The following WWOX variants were observed in gnomAD, a reference collection of about 807,000 sequenced individuals.
WWOX encodes WW domain containing oxidoreductase.
Under a neutral mutation model 46.2 loss-of-function variants are expected in WWOX, and 69 were observed. The observed-to-expected ratio is 1.49, with a 90% CI of 1.23 to 1.82. The LOEUF (loss-of-function observed/expected upper bound fraction) is 1.82. WWOX is among the 40% of genes most tolerant of loss of function. WWOX has a pLI of 0.00. For synonymous variants in WWOX, 359 were observed against 202.6 expected, an observed-to-expected ratio of 1.77 and a Z score of -6.56; for missense variants, 919 against 542.6, an observed-to-expected ratio of 1.69 and a Z score of -6.89.
chr16:78,786,700 G>A (rs539205618), intron 8 of WWOX, among the ~76,000 whole-genome samples: 1 of 152,082 alleles, frequency 6.6e-6, no homozygotes, highest in Non-Finnish European at 1.5e-5. Context: ...GCCCATAGTT[G>A]GCAGTTTGTC....
chr16:78,992,389 T>A (rs4580173), intron 8 of WWOX, among the ~76,000 whole-genome samples: 2 of 152,036 alleles, frequency 1.3e-5, no homozygotes, highest in African/African-American at 4.8e-5. Flanking sequence ...ATTGCTTGAA[T>A]CCGGGAGGCA....
chr16:79,144,807 G>A (rs978615053), intron 8 of WWOX, among the ~76,000 whole-genome samples: 1 of 150,638 alleles, frequency 6.6e-6, no homozygotes, highest in Non-Finnish European at 1.5e-5. Flanking sequence ...ATGATATTTT[G>A]AGAGAGAGAG....
chr16:79,185,276 C>T (rs149579503), intron 8 of WWOX, among the ~76,000 whole-genome samples: 2 of 152,268 alleles, frequency 1.3e-5, no homozygotes, highest in Non-Finnish European at 2.9e-5. Flanking sequence ...TGCCTCTCTT[C>T]AATAAGAGCA....
intron 8 of WWOX, among the ~76,000 whole-genome samples, chr16:78,573,782 A>T (rs1420371702): frequency 6.6e-6 from 1 of 152,174 alleles, no homozygotes; most frequent in Non-Finnish European, 1.5e-5. Flanking sequence ...CTCGATCTCC[A>T]CTTGAACACA....
At chr16:79,175,903 CT>C (rs899528829) in intron 8 of WWOX, among the ~76,000 whole-genome samples, 4 of 152,182 alleles carry the variant, frequency 2.6e-5, no homozygotes, top group African/African-American at 7.2e-5. Flanking sequence ...CACCTCTGAG[CT>C]TTTGGTCATG....
chr16:78,584,257 AAGAAGTGCTTTAC>A (rs1307226377), intron 8 of WWOX, among the ~76,000 whole-genome samples: 2 of 152,196 alleles, frequency 1.3e-5, no homozygotes, highest in Non-Finnish European at 2.9e-5. Context: ...AAAACATTGT[AAGAAGTGCTTTAC>A]ATCAGTTATT....
intron 5 of WWOX, among the ~76,000 whole-genome samples, chr16:78,340,187 T>C (rs1264876319): frequency 9.1e-6 from 1 of 109,532 alleles, no homozygotes; most frequent in Non-Finnish European, 2.2e-5. Flanking sequence ...TTGGTAATTG[T>C]GTTTGATGAT....
intron 8 of WWOX, chr16:79,106,778 C>G (rs573629159): frequency 6.7e-6 from 1 of 148,970 alleles, no homozygotes; most frequent in Admixed American, 6.7e-5. Flanking sequence ...GCCACCATAC[C>G]CAGATAATTT....
At chr16:78,165,818 A>G (rs1267912231) in intron 5 of WWOX, among the ~76,000 whole-genome samples, 1 of 152,238 alleles carries the variant, frequency 6.6e-6, no homozygotes, top group African/African-American at 2.4e-5. Flanking sequence ...TTTGAAATTC[A>G]GTATATTTGA....
intron 8 of WWOX, among the ~76,000 whole-genome samples, chr16:78,829,743 C>A (rs1334902522): frequency 6.6e-6 from 1 of 152,066 alleles, no homozygotes; most frequent in East Asian, 1.9e-4. Flanking sequence ...AAACTGAGAC[C>A]CAGAGATTCA....
chr16:78,732,948 T>G (rs2049001252), intron 8 of WWOX, among the ~76,000 whole-genome samples: 1 of 152,242 alleles, frequency 6.6e-6, no homozygotes, highest in Non-Finnish European at 1.5e-5. Flanking sequence ...ACAGCATTAC[T>G]GAGCTCGAGT....
intron 8 of WWOX, among the ~76,000 whole-genome samples, chr16:79,052,161 G>A (rs1355160443): frequency 2.0e-5 from 3 of 151,836 alleles, no homozygotes; most frequent in Non-Finnish European, 2.9e-5. Flanking sequence ...CTAGCATTAG[G>A]TATATCTCCC....
At chr16:78,517,211 A>G (rs1212715175) in intron 8 of WWOX, among the ~76,000 whole-genome samples, 1 of 152,044 alleles carries the variant, frequency 6.6e-6, no homozygotes, top group Non-Finnish European at 1.5e-5. Context: ...CAAGGAGCTT[A>G]TCATCTATTA....
chr16:79,186,510 T>A (rs571173984), intron 8 of WWOX, among the ~76,000 whole-genome samples: 1 of 152,352 alleles, frequency 6.6e-6, no homozygotes, highest in Admixed American at 6.5e-5. Flanking sequence ...ACTGGTCACA[T>A]TGGATTAAGG....
chr16:78,824,247 C>A (rs1048109567), intron 8 of WWOX, among the ~76,000 whole-genome samples: 4 of 152,264 alleles, frequency 2.6e-5, no homozygotes, highest in South Asian at 2.1e-4. Flanking sequence ...TTAGATGCTT[C>A]ATTTTGCCTG....
chr16:78,161,703 G>A (rs1045573900), intron 4 of WWOX, among the ~76,000 whole-genome samples: 3 of 152,084 alleles, frequency 2.0e-5, no homozygotes, highest in Admixed American at 1.3e-4. Context: ...GGCCGCCCAC[G>A]GTGCTAGAAT....
intron 8 of WWOX, among the ~76,000 whole-genome samples, chr16:78,708,731 G>A (rs1322080807): frequency 6.6e-6 from 1 of 152,084 alleles, no homozygotes; most frequent in Non-Finnish European, 1.5e-5. Context: ...ACTCCAAAAT[G>A]GCTTTAAAAA....
chr16:78,218,531 T>C (rs1050532882), intron 5 of WWOX, among the ~76,000 whole-genome samples: 1 of 152,342 alleles, frequency 6.6e-6, no homozygotes, highest in Admixed American at 6.5e-5. Context: ...CAGAAAATGC[T>C]TTTTAAAATT....
chr16:79,057,655 TG>T (rs2048287888), intron 8 of WWOX, among the ~76,000 whole-genome samples: 1 of 152,060 alleles, frequency 6.6e-6, no homozygotes, highest in African/African-American at 2.4e-5. Context: ...TCCTGATAAA[TG>T]GGAACTGGAG....
Sources: gnomAD v4.1 joint callset for allele counts (sites outside exome capture counted in the v4.1 genomes callset) on GRCh38, gnomAD v4.1.1 for gene constraint, MANE v1.5 for transcripts, NCBI Gene and HGNC (gene_info 2026-07-23, HGNC 2026-07-21) for gene names.